ITGB2: variants seen among roughly 807,000 people sequenced by gnomAD.
ITGB2 encodes the protein integrin subunit beta 2, also known as integrin beta-2.
ITGB2 carries 56 observed loss-of-function variants against 86.8 expected under a neutral mutation model. That is an observed-to-expected ratio of 0.65 (90% CI 0.52 to 0.81). ITGB2 has a LOEUF of 0.81. Among genes scored for constraint, ITGB2 ranks in the 30% least tolerant of loss-of-function variants. ITGB2 has a pLI of 0.00. For synonymous variants in ITGB2, 457 were observed against 450.4 expected (o/e 1.01, Z -0.19); for missense variants, 948 against 1,061.2 (o/e 0.89, Z 1.48).
chr21:44,894,692 G>A (rs1601292430), intron 9 of ITGB2: 1 of 480,504 alleles, frequency 2.1e-6, no homozygotes, highest in East Asian at 4.0e-5. Flanking sequence ...CTTCTCCATA[G>A]AGACCCGCAG....
chr21:44,888,209 C>A (rs965018996), intron 14 of ITGB2, among the ~76,000 whole-genome samples: 2 of 152,208 alleles, frequency 1.3e-5, no homozygotes, highest in Non-Finnish European at 2.9e-5. Flanking sequence ...GGACTGGAGC[C>A]GAACGAGTGA....
rs200111969 is a variant in ITGB2 at position 44,891,771 on chromosome 21, C to T, written c.1412+38G>A. 530 of 1,596,264 alleles carry T rather than the reference C, an allele frequency of 3.3e-4. 6 individuals carry two copies. The South Asian group carries it at 5.3e-3, about 16-fold the overall frequency. On this transcript the variant is annotated intron_variant, in intron 11 of 15. Transcript: ENST00000652462. Reference sequence around the variant, plus strand: ...CCGACACCTGCCCTGTGGGGTGGGGCTCGGGGATGGTTCAACAGGGACCTG... The same window carrying T: ...CCGACACCTGCCCTGTGGGGTGGGGTTCGGGGATGGTTCAACAGGGACCTG...
intron 12 of ITGB2, 95 bp from the exon 13 acceptor site, chr21:44,889,590 C>T: frequency 9.0e-7 from 1 of 1,106,214 alleles, no homozygotes; most frequent in Non-Finnish European, 1.3e-6. Context: ...GGCCCGCCTG[C>T]CTCCTCCAGC....
intron 4 of ITGB2, among the ~76,000 whole-genome samples, chr21:44,905,554 C>T (rs542781093): frequency 1.3e-5 from 2 of 152,360 alleles, no homozygotes; most frequent in African/African-American, 4.8e-5. Flanking sequence ...CCTCAGTTTC[C>T]TCACTGTGAA....
Position 44,886,883 on chromosome 21 carries a change from G to T in ITGB2, c.2100C>A (p.Asn700Lys). 6.2e-7 allele frequency: 1 copy of T among 1,613,258 alleles called. No individual in the cohort carries two copies. Among genetic ancestry groups the T allele is most frequent in the Non-Finnish European group, 8.5e-7 (1 of 1,180,016 alleles). Reference sequence around the variant, plus strand: ...CGGTGCCCCCGACGATGGCGGCGATGTTGGGGCCTGCCACACACTCTAGGG... The same window carrying T: ...CGGTGCCCCCGACGATGGCGGCGATTTTGGGGCCTGCCACACACTCTAGGG... ...DESRECVAGP[N>K]IAAIVGGTVA... Residue 700 changes from asparagine to lysine, a missense_variant, in exon 15 of 16, where the codon AAC (asparagine) becomes AAA (lysine). By Grantham distance (94) the Asn-to-Lys change is moderately conservative. Transcript: ENST00000652462.
In ITGB2 at chr21:44,907,285, C is replaced by T. The variant is rs552043560; in HGVS notation, c.148-190G>A. Among the ~76,000 whole-genome samples the T allele has an allele frequency of 2.6e-5, 4 of 152,296 alleles. No homozygotes were observed. In the East Asian group the frequency reaches 5.8e-4, roughly 22 times the overall value. On this transcript the variant is annotated intron_variant, in intron 3 of 15. Coordinates refer to ENST00000652462, the MANE Select transcript of ITGB2 (RefSeq NM_000211.5). ...CAGACAGCCCCTCCCTGAAGGCTCC[C>T]GGCCACAGCAGACCCCTGGGGGGCA... is the stretch of plus-strand genomic sequence containing the variant.
At position 44,910,706 on chromosome 21, in the gene ITGB2, C is replaced by A; in HGVS notation, c.58+19G>T. 2 of 1,612,990 alleles carry A rather than the reference C, an allele frequency of 1.2e-6. No homozygotes were observed. Among genetic ancestry groups the A allele is most frequent in the Non-Finnish European group, 8.5e-7 (1 of 1,179,172 alleles). ...GGAATGTCACGCGTGGAGTCCCCTC[C>A]GTGGAACACAGAACTCACCGCACCC... On this transcript the variant is annotated intron_variant, in intron 2 of 15. Transcript: ENST00000652462.
At chr21:44,888,526 C>A (rs882549) in intron 14 of ITGB2, among the ~76,000 whole-genome samples, 167 bp downstream of exon 14, 18,871 of 152,240 alleles carry the variant, frequency 0.12, 1,549 homozygotes, top group Non-Finnish European at 0.18. Flanking sequence ...GTGAGGGGAC[C>A]GGCCTCTGGC....
chr21:44,908,765 C>A (rs111317577), intron 3 of ITGB2, among the ~76,000 whole-genome samples: 1 of 152,278 alleles, frequency 6.6e-6, no homozygotes, highest in African/African-American at 2.4e-5. Context: ...GAAAGGAACC[C>A]GAGCCGTCAG....
chr21:44,912,480 C>G (rs961070926), intron 1 of ITGB2, among the ~76,000 whole-genome samples: 1 of 152,224 alleles, frequency 6.6e-6, no homozygotes, highest in Non-Finnish European at 1.5e-5. Context: ...TGGTTCCCAG[C>G]AAAATTATAA....
At chr21:44,907,805 C>A (rs374779370) in intron 3 of ITGB2, among the ~76,000 whole-genome samples, 1 of 152,070 alleles carries the variant, frequency 6.6e-6, no homozygotes, top group Non-Finnish European at 1.5e-5. Flanking sequence ...TGGTGAGTCC[C>A]GCAGGCAGGG....
intron 3 of ITGB2, chr21:44,908,302 AG>A (rs2146541915): frequency 2.0e-6 from 1 of 487,984 alleles, no homozygotes; most frequent in African/African-American, 1.9e-5. Context: ...ATAAGACAGG[AG>A]AAAAGAGAGA....
At chr21:44,925,464 G>A (rs866979959), upstream of ITGB2, among the ~76,000 whole-genome samples, 1 of 149,132 alleles carries the variant, frequency 6.7e-6, no homozygotes, top group African/African-American at 2.5e-5. Flanking sequence ...AGGAAGGAAG[G>A]AAGGAAGGAA....
chr21:44,889,226 G>A, intron 13 of ITGB2, 50 bp downstream of exon 13: 3 of 1,569,348 alleles, frequency 1.9e-6, no homozygotes, highest in African/African-American at 2.7e-5. Flanking sequence ...TGGGTAGGTG[G>A]CCGGGGAGTG....
intron 8 of ITGB2, among the ~76,000 whole-genome samples, chr21:44,897,180 C>T (rs921947849): frequency 2.6e-5 from 4 of 152,230 alleles, no homozygotes; most frequent in Non-Finnish European, 2.9e-5. Flanking sequence ...TGGCAGGAAC[C>T]GCTGGTCTCG....
At position 44,888,793 on chromosome 21, in the gene ITGB2, C is replaced by G. The variant is rs761724751; in HGVS notation, c.1980G>C (p.Arg660Ser). ...LQLSNNPVKG[R>S]TCKERDSEGC... ...CCTCTGAGTCCCTCTCCTTGCAGGT[C>G]CTGCCCTTCACGGGGTTGTTCGACA... is the stretch of plus-strand genomic sequence containing the variant. The change falls in exon 14 of 16, where the codon AGG becomes AGC. Residue 660 changes from arginine to serine, a missense_variant. Arg to Ser is a moderately radical substitution (Grantham distance 110, BLOSUM62 -1). Coordinates refer to ENST00000652462, the MANE Select transcript of ITGB2 (RefSeq NM_000211.5). 1.2e-6 allele frequency: 2 copies of G among 1,611,962 alleles called. No individual in the cohort carries two copies. Among genetic ancestry groups the G allele is most frequent in the African/African-American group, 2.7e-5 (2 of 74,950 alleles).
At position 44,910,314 on chromosome 21, in the gene ITGB2, CG is replaced by C; in HGVS notation, c.116del (p.Ser39TrpfsTer11). 6.2e-7 allele frequency: 1 copy of C among 1,614,106 alleles called. No homozygotes were observed. Among genetic ancestry groups the C allele is most frequent in the Non-Finnish European group, 8.5e-7 (1 of 1,180,012 alleles). The stretch of plus-strand genomic sequence containing the variant: ...TCTGGCACCAGGTGCAGCCGGGCCC[CG>C]ACTCGATGCATTCCCGGCAGCTGCT... ...KVSSCRECIE[S>X]GPGCTWCQKL... On this transcript the variant is annotated frameshift_variant, in exon 3 of 16. Transcript: ENST00000652462. LOFTEE classifies it high-confidence loss of function.
At chr21:44,895,193 TC>T in intron 8 of ITGB2, 133 bp from the exon 9 acceptor site, 2 of 726,690 alleles carry the variant, frequency 2.8e-6, no homozygotes, top group Non-Finnish European at 2.5e-6. Flanking sequence ...TTGCACTTGG[TC>T]CCCAGAGTGT....
At chr21:44,891,465 A>T (rs914018432) in intron 11 of ITGB2, among the ~76,000 whole-genome samples, 4 of 152,218 alleles carry the variant, frequency 2.6e-5, no homozygotes, top group African/African-American at 9.7e-5. Context: ...GGCCATGGGC[A>T]CGCCCAGCGG....
Sources: gnomAD v4.1 joint callset for allele counts (sites outside exome capture counted in the v4.1 genomes callset) on GRCh38, gnomAD v4.1.1 for gene constraint, MANE v1.5 for transcripts, NCBI Gene and HGNC (gene_info 2026-07-23, HGNC 2026-07-21) for gene names.